TRERF1: variants seen among roughly 807,000 people sequenced by gnomAD.
TRERF1 encodes transcriptional-regulating factor 1.
TRERF1 carries 27 observed loss-of-function variants against 122.9 expected under a neutral mutation model. The observed-to-expected ratio is 0.22, with a 90% CI of 0.16 to 0.30. The LOEUF (loss-of-function observed/expected upper bound fraction) is 0.30. Ranked by LOEUF, TRERF1 falls within the 10% of genes least tolerant of loss-of-function variation. The pLI is 1.00. For missense variants in TRERF1, 1,248 were observed against 1,560.3 expected, an observed-to-expected ratio of 0.80 and a Z score of 3.37; for synonymous variants, 636 against 641.7, an observed-to-expected ratio of 0.99 and a Z score of 0.13.
intron 2 of TRERF1, among the ~76,000 whole-genome samples, chr6:42,378,083 T>C (rs188330780): frequency 1.3e-5 from 2 of 152,290 alleles, no homozygotes; most frequent in Admixed American, 1.3e-4. Flanking sequence ...TTCCCAAAGC[T>C]AGTGGGACTA....
At chr6:42,260,040 G>C (rs1426271339) in intron 8 of TRERF1, among the ~76,000 whole-genome samples, 4 of 152,128 alleles carry the variant, frequency 2.6e-5, no homozygotes, top group Admixed American at 2.6e-4. Context: ...ATCTGTTTGA[G>C]TGGAATCCAG....
At chr6:42,235,160 A>G (rs139859058) in intron 16 of TRERF1, among the ~76,000 whole-genome samples, 90 of 152,262 alleles carry the variant, frequency 5.9e-4, no homozygotes, top group African/African-American at 2.0e-3. Context: ...TATTTTAAAG[A>G]CTGTTGCTTT....
At chr6:42,281,140 C>T (rs931812382) in intron 4 of TRERF1, among the ~76,000 whole-genome samples, 3 of 152,174 alleles carry the variant, frequency 2.0e-5, no homozygotes, top group Non-Finnish European at 4.4e-5. Context: ...CCTGTCTGGA[C>T]TTGCTCAAGG....
At chr6:42,369,735 A>G (rs1305656232) in intron 2 of TRERF1, among the ~76,000 whole-genome samples, 1 of 152,110 alleles carries the variant, frequency 6.6e-6, no homozygotes, top group Non-Finnish European at 1.5e-5. Flanking sequence ...GTCTATTTGC[A>G]TACCTGCTGC....
intron 3 of TRERF1, among the ~76,000 whole-genome samples, chr6:42,328,559 C>T (rs1764713451): frequency 6.6e-6 from 1 of 152,148 alleles, no homozygotes. Flanking sequence ...CATGAGTTCT[C>T]ATCACTTAGC....
chr6:42,427,867 A>G (rs1783878604), intron 2 of TRERF1, among the ~76,000 whole-genome samples: 2 of 152,048 alleles, frequency 1.3e-5, no homozygotes, highest in Admixed American at 1.3e-4. Flanking sequence ...TTTAATATAT[A>G]TAAAAAAAAA....
chr6:42,451,487 C>A (rs533879639), intron 1 of TRERF1, among the ~76,000 whole-genome samples, 187 bp downstream of exon 1: 4 of 152,026 alleles, frequency 2.6e-5, no homozygotes, highest in African/African-American at 9.7e-5. Flanking sequence ...ACCAACCCAC[C>A]ACCTCCTCCA....
intron 4 of TRERF1, among the ~76,000 whole-genome samples, chr6:42,277,964 A>AAGAAGAAGG: frequency 6.7e-6 from 1 of 148,850 alleles, no homozygotes; most frequent in Non-Finnish European, 1.5e-5. Flanking sequence ...GAAGAAGAAG[A>AAGAAGAAGG]AGAAGAAGAA....
intron 3 of TRERF1, among the ~76,000 whole-genome samples, chr6:42,334,488 C>G (rs1765795346): frequency 6.6e-6 from 1 of 152,154 alleles, no homozygotes; most frequent in Admixed American, 6.5e-5. Flanking sequence ...TAGGGCAAGT[C>G]GTGGTGATAT....
intron 16 of TRERF1, among the ~76,000 whole-genome samples, chr6:42,235,895 C>A (rs1772050641): frequency 6.6e-6 from 1 of 152,180 alleles, no homozygotes; most frequent in African/African-American, 2.4e-5. Context: ...CAGGGGAATG[C>A]AGAGGCTCCA....
intron 2 of TRERF1, among the ~76,000 whole-genome samples, chr6:42,449,712 G>A (rs921820293): frequency 2.6e-5 from 4 of 152,092 alleles, no homozygotes; most frequent in Admixed American, 2.6e-4. Flanking sequence ...GCCTAGTTAG[G>A]AACATTTGAT....
chr6:42,310,650 AG>A (rs1223049868), intron 3 of TRERF1, among the ~76,000 whole-genome samples: 2 of 152,166 alleles, frequency 1.3e-5, no homozygotes, highest in African/African-American at 2.4e-5. Flanking sequence ...CTAAAACGTT[AG>A]TAGGAGAAAC....
chr6:42,354,002 C>T (rs915812956), intron 3 of TRERF1, among the ~76,000 whole-genome samples: 14 of 152,134 alleles, frequency 9.2e-5, no homozygotes, highest in Admixed American at 2.6e-4. Flanking sequence ...AAATTTCAAA[C>T]GTACACAAAA....
At chr6:42,327,168 C>G (rs906061562) in intron 3 of TRERF1, among the ~76,000 whole-genome samples, 1 of 152,124 alleles carries the variant, frequency 6.6e-6, no homozygotes, top group African/African-American at 2.4e-5. Context: ...ATTCCTTCAT[C>G]CAGGTAGGAG....
intron 6 of TRERF1, 129 bp downstream of exon 6, chr6:42,265,622 A>C: frequency 9.8e-7 from 1 of 1,022,372 alleles, no homozygotes; most frequent in Non-Finnish European, 1.5e-6. Context: ...ACTCAAACAC[A>C]ACAGCTGCTA....
At chr6:42,359,386 G>C (rs1562058272) in intron 3 of TRERF1, among the ~76,000 whole-genome samples, 1 of 152,122 alleles carries the variant, frequency 6.6e-6, no homozygotes, top group Non-Finnish European at 1.5e-5. Context: ...GGAAACCAAA[G>C]GCAAGCGGGG....
At chr6:42,391,050 C>T (rs1440630044) in intron 2 of TRERF1, among the ~76,000 whole-genome samples, 1 of 152,156 alleles carries the variant, frequency 6.6e-6, no homozygotes, top group East Asian at 1.9e-4. Context: ...GACATGGACA[C>T]CATTTGGCCA....
chr6:42,331,544 G>A (rs1012621342), intron 3 of TRERF1, among the ~76,000 whole-genome samples: 6 of 152,174 alleles, frequency 3.9e-5, no homozygotes, highest in South Asian at 2.1e-4. Flanking sequence ...CCTGGGGATC[G>A]CCCACCGGAT....
At chr6:42,425,998 T>C (rs1053338984) in intron 2 of TRERF1, among the ~76,000 whole-genome samples, 1 of 152,174 alleles carries the variant, frequency 6.6e-6, no homozygotes, top group Non-Finnish European at 1.5e-5. Context: ...CCCTCCAGTC[T>C]GTCCCTTACA....
Sources: allele counts gnomAD v4.1 joint callset (sites outside exome capture counted in the v4.1 genomes callset), GRCh38; gene constraint gnomAD v4.1.1; transcripts MANE v1.5; gene names NCBI Gene and HGNC (gene_info 2026-07-23, HGNC 2026-07-21).